The following DPP10 variants were observed in gnomAD, a reference collection of about 807,000 sequenced individuals.
The protein encoded by DPP10 is inactive dipeptidyl peptidase 10.
DPP10 carries 33 observed loss-of-function variants against 120.9 expected under a neutral mutation model. The observed-to-expected ratio is 0.27, with a 90% CI of 0.21 to 0.37. The LOEUF is 0.37. DPP10 is among the 10% of genes least tolerant of loss of function. The pLI, the probability that DPP10 is intolerant of heterozygous loss-of-function variation, is 1.00. For synonymous variants in DPP10, 337 were observed against 326.1 expected (o/e 1.03, Z -0.36); for missense variants, 816 against 942.8 (o/e 0.87, Z 1.76).
intron 1 of DPP10, among the ~76,000 whole-genome samples, chr2:115,026,187 T>C (rs1409440641): frequency 6.6e-6 from 1 of 152,196 alleles, no homozygotes; most frequent in Non-Finnish European, 1.5e-5. Context: ...TGATTTTTAA[T>C]ACATTTTGAT....
At chr2:115,772,140 A>C (rs1238881613) in intron 13 of DPP10, among the ~76,000 whole-genome samples, 1 of 152,144 alleles carries the variant, frequency 6.6e-6, no homozygotes, top group Non-Finnish European at 1.5e-5. Context: ...ACAGTATTGC[A>C]TCCTGATATG....
intron 1 of DPP10, among the ~76,000 whole-genome samples, chr2:114,860,284 C>G (rs1384215609): frequency 6.6e-6 from 1 of 152,192 alleles, no homozygotes; most frequent in Non-Finnish European, 1.5e-5. Context: ...CACTAAGTTA[C>G]TGAGTATCTA....
intron 1 of DPP10, among the ~76,000 whole-genome samples, chr2:115,237,064 T>C (rs779077451): frequency 6.6e-6 from 1 of 152,216 alleles, no homozygotes; most frequent in Non-Finnish European, 1.5e-5. Context: ...GTTCCTACTA[T>C]GAAGCTAAGC....
intron 1 of DPP10, among the ~76,000 whole-genome samples, chr2:115,248,480 C>G (rs2058627368): frequency 6.6e-6 from 1 of 151,956 alleles, no homozygotes; most frequent in Admixed American, 6.6e-5. Context: ...TCCTGCTTGC[C>G]CATCACAAGT....
intron 4 of DPP10, among the ~76,000 whole-genome samples, chr2:115,517,821 T>A (rs150346450): frequency 1.3e-5 from 2 of 152,330 alleles, no homozygotes; most frequent in African/African-American, 4.8e-5. Flanking sequence ...TAAATAGATA[T>A]CTGTCTTATC....
At chr2:114,903,112 C>CTTTTTTTTGGCCT (rs1393836905) in intron 1 of DPP10, among the ~76,000 whole-genome samples, 3 of 152,012 alleles carry the variant, frequency 2.0e-5, no homozygotes, top group African/African-American at 7.2e-5. Context: ...TTCTTCATGC[C>CTTTTTTTTGGCCT]TTTTTATGGC....
chr2:115,450,611 C>T (rs1432474677), intron 3 of DPP10, among the ~76,000 whole-genome samples: 2 of 151,942 alleles, frequency 1.3e-5, no homozygotes, highest in Non-Finnish European at 2.9e-5. Flanking sequence ...ACTCTTTCAT[C>T]GTGACTTTAG....
At chr2:115,334,783 A>G (rs1386181078) in intron 2 of DPP10, among the ~76,000 whole-genome samples, 3 of 152,028 alleles carry the variant, frequency 2.0e-5, no homozygotes, top group Non-Finnish European at 4.4e-5. Context: ...CATTTTAATA[A>G]TAATAAAGAC....
At chr2:115,153,842 AGTT>A (rs1416838603) in intron 1 of DPP10, among the ~76,000 whole-genome samples, 2 of 152,214 alleles carry the variant, frequency 1.3e-5, no homozygotes, top group Middle Eastern at 3.4e-3. Context: ...AGTGGTACTA[AGTT>A]GTTATTATTT....
Position 114,521,420 on chromosome 2 carries a change from T to C in DPP10, c.60+78582T>C, listed in dbSNP as rs1396641521. The stretch of plus-strand genomic sequence containing the variant: ...ACATAGAAAATAGCATCCATGAGCA[T>C]AGAAGGCTTGAAATAATCACAGAAA... On this transcript the variant is annotated intron_variant, in intron 1 of 25. Coordinates refer to ENST00000410059, the MANE Select transcript of DPP10 (RefSeq NM_020868.6). Among the ~76,000 whole-genome samples the C allele has an allele frequency of 7.2e-5, 11 of 151,998 alleles. No individual in the cohort carries two copies. The East Asian group carries it at 7.7e-4, about 11-fold the overall frequency.
chr2:115,363,654 T>C (rs1356519142), intron 3 of DPP10, among the ~76,000 whole-genome samples: 1 of 152,230 alleles, frequency 6.6e-6, no homozygotes, highest in Non-Finnish European at 1.5e-5. Flanking sequence ...AAAGGCATTG[T>C]GAGCATCACA....
intron 1 of DPP10, among the ~76,000 whole-genome samples, chr2:114,728,240 C>T (rs1432306221): frequency 6.6e-6 from 1 of 152,116 alleles, no homozygotes; most frequent in Non-Finnish European, 1.5e-5. Context: ...ATGGGAGGAG[C>T]CAGGAGGAGA....
intron 5 of DPP10, among the ~76,000 whole-genome samples, chr2:115,596,950 G>A (rs377376984): frequency 1.3e-5 from 2 of 152,258 alleles, no homozygotes; most frequent in African/African-American, 2.4e-5. Flanking sequence ...TACTTAACTC[G>A]TTTCATAATT....
At chr2:114,634,276 A>G (rs2105392188) in intron 1 of DPP10, among the ~76,000 whole-genome samples, 1 of 152,038 alleles carries the variant, frequency 6.6e-6, no homozygotes, top group South Asian at 2.1e-4. Flanking sequence ...ACATAGTTCA[A>G]AAGTTAAATG....
At chr2:114,717,644 A>T (rs1464606183) in intron 1 of DPP10, among the ~76,000 whole-genome samples, 1 of 152,210 alleles carries the variant, frequency 6.6e-6, no homozygotes, top group African/African-American at 2.4e-5. Flanking sequence ...TGCTACAGAA[A>T]ATAAAAATAG....
At chr2:115,543,901 T>TCGG (rs2079332405) in intron 5 of DPP10, among the ~76,000 whole-genome samples, 1 of 152,050 alleles carries the variant, frequency 6.6e-6, no homozygotes, top group African/African-American at 2.4e-5. Context: ...TTGTGTTAAT[T>TCGG]TCAATGCTGC....
At chr2:115,633,212 A>G (rs1188116702) in intron 5 of DPP10, among the ~76,000 whole-genome samples, 1 of 152,250 alleles carries the variant, frequency 6.6e-6, no homozygotes, top group East Asian at 1.9e-4. Context: ...CTGGATTAAG[A>G]CAATGTGGCA....
chr2:115,242,398 T>A (rs2058328968), intron 1 of DPP10, among the ~76,000 whole-genome samples: 1 of 152,186 alleles, frequency 6.6e-6, no homozygotes, highest in South Asian at 2.1e-4. Flanking sequence ...AGTTTTTTTA[T>A]CCACTCATCG....
intron 1 of DPP10, among the ~76,000 whole-genome samples, chr2:115,112,156 T>C (rs2049256695): frequency 6.6e-6 from 1 of 152,162 alleles, no homozygotes; most frequent in South Asian, 2.1e-4. Context: ...CACAGTTCTT[T>C]TCACCTGGAA....
Sources: allele counts gnomAD v4.1 joint callset (sites outside exome capture counted in the v4.1 genomes callset), GRCh38; gene constraint gnomAD v4.1.1; transcripts MANE v1.5; gene names NCBI Gene and HGNC (gene_info 2026-07-23, HGNC 2026-07-21).